Variants in DOCK7 observed in about 807,000 individuals in gnomAD.
DOCK7 encodes the protein dedicator of cytokinesis 7, also known as dedicator of cytokinesis protein 7.
Under a neutral mutation model 271.0 loss-of-function variants are expected in DOCK7, and 138 were observed. The ratio of observed to expected loss-of-function variants is 0.51; its 90% CI spans 0.44 to 0.59. DOCK7 has a LOEUF of 0.59. DOCK7 is among the 20% of genes least tolerant of loss of function. The pLI is 0.00. For synonymous variants in DOCK7, 823 were observed against 876.1 expected, an observed-to-expected ratio of 0.94 and a Z score of 1.07; for missense variants, 2,066 against 2,592.4, an observed-to-expected ratio of 0.80 and a Z score of 4.41.
chr1:62,674,619 T>C (rs192582178), intron 1 of DOCK7, among the ~76,000 whole-genome samples: 108 of 152,286 alleles, frequency 7.1e-4, no homozygotes, highest in Middle Eastern at 3.4e-3. Context: ...CACAGAGCAA[T>C]GAAACAGAAC....
intron 18 of DOCK7, among the ~76,000 whole-genome samples, chr1:62,576,417 G>T (rs1223836678): frequency 1.3e-5 from 2 of 152,174 alleles, no homozygotes; most frequent in Non-Finnish European, 2.9e-5. Flanking sequence ...TGCACTTTTC[G>T]TGTGTAAGGA....
At chr1:62,506,783 A>C (rs1369175351) in intron 35 of DOCK7, among the ~76,000 whole-genome samples, 1 of 151,216 alleles carries the variant, frequency 6.6e-6, no homozygotes, top group Non-Finnish European at 1.5e-5. Context: ...CCCTGTCTCT[A>C]CTAAAAATAC....
intron 1 of DOCK7, among the ~76,000 whole-genome samples, chr1:62,680,904 T>G (rs1661047623): frequency 6.6e-6 from 1 of 152,146 alleles, no homozygotes; most frequent in Non-Finnish European, 1.5e-5. Context: ...GGAGAGGATG[T>G]GGAGAAATAG....
intron 1 of DOCK7, chr1:62,687,584 T>G (rs1025086186): frequency 6.6e-6 from 1 of 152,226 alleles, no homozygotes; most frequent in Non-Finnish European, 1.5e-5. Flanking sequence ...ACACCGAAGG[T>G]GCAGCCCGCA....
chr1:62,468,261 T>G lies in DOCK7; in HGVS notation c.6212+5721A>C, dbSNP rs185069088. Among the ~76,000 whole-genome samples the G allele has an allele frequency of 1.4e-3, 207 of 148,786 alleles. 1 individual carries two copies. The Middle Eastern group carries it at 0.018, about 13-fold the overall frequency. On this transcript the variant is annotated intron_variant, in intron 48 of 49. Transcript: ENST00000635253. Reference sequence around the variant, plus strand: ...CTGTAATCCCAGCAACTCAGGAAACTGAGGCAGGAGAATCGCTTGAACCCG... The same window carrying G: ...CTGTAATCCCAGCAACTCAGGAAACGGAGGCAGGAGAATCGCTTGAACCCG...
At chr1:62,462,077 A>C (rs935486923) in intron 48 of DOCK7, among the ~76,000 whole-genome samples, 1 of 152,000 alleles carries the variant, frequency 6.6e-6, no homozygotes, top group African/African-American at 2.4e-5. Context: ...TCTCAAAAAA[A>C]AAAAAAATTA....
At chr1:62,643,489 T>C (rs1656283754) in intron 7 of DOCK7, among the ~76,000 whole-genome samples, 1 of 152,234 alleles carries the variant, frequency 6.6e-6, no homozygotes, top group African/African-American at 2.4e-5. Context: ...AATCAGCTGT[T>C]AGGCTAATTG....
rs529090153 is a variant in DOCK7 at position 62,601,215 on chromosome 1, T to C, written c.1683-14591A>G. 8.6e-6 allele frequency: 13 copies of C among 1,503,968 alleles called. No homozygotes were observed. The African/African-American group carries it at 1.8e-4, about 21-fold the overall frequency. The allele number at this position is 1,503,968 out of a possible 1,614,324, so 93.2% of individuals were successfully genotyped here. ...CATGATGGTAAGACACTTTGGTGGG[T>C]TTCCTTCTTGAAGCTATTATTATCA... On this transcript the variant is annotated intron_variant, in intron 14 of 49. Coordinates refer to ENST00000635253, the MANE Select transcript of DOCK7 (RefSeq NM_001367561.1).
intron 1 of DOCK7, among the ~76,000 whole-genome samples, chr1:62,687,874 G>A (rs1662002172): frequency 1.3e-5 from 2 of 152,178 alleles, no homozygotes; most frequent in African/African-American, 2.4e-5. Flanking sequence ...GCCCGGGGGT[G>A]GGAACACAAA....
At chr1:62,673,167 G>C (rs1660194352) in intron 1 of DOCK7, among the ~76,000 whole-genome samples, 1 of 152,052 alleles carries the variant, frequency 6.6e-6, no homozygotes, top group African/African-American at 2.4e-5. Context: ...TATACACGTT[G>C]ATATGTGAAA....
chr1:62,464,950 T>C (rs1029989516), intron 48 of DOCK7, among the ~76,000 whole-genome samples: 2 of 152,198 alleles, frequency 1.3e-5, no homozygotes, highest in African/African-American at 4.8e-5. Flanking sequence ...GCATAAAGTA[T>C]ATGAAGATAC....
intron 14 of DOCK7, chr1:62,608,858 C>G (rs80017148): frequency 1.5e-5 from 1 of 67,522 alleles, no homozygotes; most frequent in African/African-American, 6.4e-5. Context: ...TCAACTAACT[C>G]ATTCATTAAT....
chr1:62,477,164 T>C (rs1003800868), intron 44 of DOCK7: 2 of 152,174 alleles, frequency 1.3e-5, no homozygotes, highest in Admixed American at 6.5e-5. Flanking sequence ...AGAATAACTA[T>C]AACAGAAAAT....
chr1:62,519,004 T>TACACACAC (rs1038125495), intron 31 of DOCK7, among the ~76,000 whole-genome samples: 1 of 30,016 alleles, frequency 3.3e-5, no homozygotes, highest in Non-Finnish European at 6.6e-5. Flanking sequence ...AAAGTCATGC[T>TACACACAC]ATACACACAC....
chr1:62,551,619 A>C (rs976847841), intron 22 of DOCK7, among the ~76,000 whole-genome samples: 1 of 152,082 alleles, frequency 6.6e-6, no homozygotes. Flanking sequence ...TTTTGAGATA[A>C]AATTATATAC....
chr1:62,477,798 C>T lies in DOCK7; in HGVS notation c.5536G>A (p.Gly1846Ser), dbSNP rs773483530. 1.2e-6 allele frequency: 2 copies of T among 1,609,144 alleles called. No homozygotes were observed. Among genetic ancestry groups the T allele is most frequent in the African/African-American group, 2.7e-5 (2 of 74,774 alleles). The change falls in exon 44 of 50, where the codon GGT becomes AGT. Residue 1846 changes from glycine to serine, a missense_variant. Coordinates refer to ENST00000635253, the MANE Select transcript of DOCK7 (RefSeq NM_001367561.1). The part of the protein sequence containing the change: ...ERMFGTYFRV[G>S]FYGTKFGDLD... Reference sequence around the variant, plus strand: ...TCCCCGAACTTGGTTCCATAAAAACCAACACGAAAATAGGTGCCAAACATC... The same window carrying T: ...TCCCCGAACTTGGTTCCATAAAAACTAACACGAAAATAGGTGCCAAACATC...
chr1:62,513,352 A>C, intron 33 of DOCK7, 92 bp downstream of exon 33: 17 of 1,310,918 alleles, frequency 1.3e-5, no homozygotes, highest in Non-Finnish European at 1.7e-5. Flanking sequence ...GTTACACTTA[A>C]AACACTTTTT....
At position 62,623,012 on chromosome 1, in the gene DOCK7, G is replaced by A. The variant is rs1041477542; in HGVS notation, c.1425+2247C>T. Among the ~76,000 whole-genome samples, 5 of 152,212 alleles carry A rather than the reference G, an allele frequency of 3.3e-5. 1 individual carries two copies. On this transcript the variant is annotated intron_variant, in intron 12 of 49. Coordinates refer to ENST00000635253, the MANE Select transcript of DOCK7 (RefSeq NM_001367561.1). The stretch of plus-strand genomic sequence containing the variant: ...TGGTCTTGAACTCTTAGGCTCAAGC[G>A]ACCCCCCAGCCTTGGCCTCCTAAAG...
intron 31 of DOCK7, among the ~76,000 whole-genome samples, chr1:62,518,696 C>T (rs1054367203): frequency 6.6e-6 from 1 of 151,906 alleles, no homozygotes; most frequent in Non-Finnish European, 1.5e-5. Flanking sequence ...GCCAAGACTG[C>T]ACCACTGCAC....
Sources: allele counts gnomAD v4.1 joint callset (sites outside exome capture counted in the v4.1 genomes callset), GRCh38; gene constraint gnomAD v4.1.1; transcripts MANE v1.5; gene names NCBI Gene and HGNC (gene_info 2026-07-23, HGNC 2026-07-21).